The following CIB4 variants were observed in gnomAD, a reference collection of about 807,000 sequenced individuals.
CIB4 encodes calcium and integrin-binding family member 4.
In CIB4, 25 loss-of-function variants were observed where a neutral mutation model predicts 25.8. The ratio of observed to expected loss-of-function variants is 0.97; its 90% CI spans 0.71 to 1.35. The LOEUF is 1.35. Ranked by LOEUF, CIB4 falls within the 40% of genes most tolerant of loss-of-function variation. CIB4 has a pLI of 0.00. For synonymous variants in CIB4, 75 were observed against 81.4 expected, an observed-to-expected ratio of 0.92 and a Z score of 0.42; for missense variants, 235 against 228.2, an observed-to-expected ratio of 1.03 and a Z score of -0.19.
intron 3 of CIB4, among the ~76,000 whole-genome samples, chr2:26,611,704 A>G (rs1668998607): frequency 6.6e-6 from 1 of 152,226 alleles, no homozygotes; most frequent in Non-Finnish European, 1.5e-5. Flanking sequence ...TATTTATAGT[A>G]ACAAATAAAT....
At chr2:26,602,436 A>AAT (rs1478513367) in intron 3 of CIB4, among the ~76,000 whole-genome samples, 1 of 152,232 alleles carries the variant, frequency 6.6e-6, no homozygotes, top group East Asian at 1.9e-4. Flanking sequence ...ACAAAGAGTG[A>AAT]ACAAATACAT....
At chr2:26,613,126 T>A (rs1669027748) in intron 3 of CIB4, among the ~76,000 whole-genome samples, 1 of 151,892 alleles carries the variant, frequency 6.6e-6, no homozygotes, top group Admixed American at 6.6e-5. Flanking sequence ...TCTAGGAGAG[T>A]GGGTTTTTCC....
chr2:26,629,580 A>T (rs1669377861), intron 2 of CIB4, 74 bp from the exon 3 acceptor site: 2 of 998,218 alleles, frequency 2.0e-6, no homozygotes, highest in Non-Finnish European at 3.1e-6. Context: ...AAAGGAGGCC[A>T]GCAAGCCTGT....
intron 3 of CIB4, among the ~76,000 whole-genome samples, chr2:26,609,678 C>T (rs777716708): frequency 6.6e-6 from 1 of 152,118 alleles, no homozygotes; most frequent in Non-Finnish European, 1.5e-5. Flanking sequence ...ATTTCAACTC[C>T]ATTTTTCAGG....
chr2:26,586,282 C>G (rs1668451295), intron 4 of CIB4, among the ~76,000 whole-genome samples: 1 of 152,190 alleles, frequency 6.6e-6, no homozygotes, highest in Admixed American at 6.5e-5. Context: ...CTTGCTCAGT[C>G]AAGCCAGACA....
At chr2:26,613,058 G>C (rs1669026390) in intron 3 of CIB4, among the ~76,000 whole-genome samples, 1 of 152,188 alleles carries the variant, frequency 6.6e-6, no homozygotes, top group South Asian at 2.1e-4. Flanking sequence ...AGGCCTAGGG[G>C]ACTTTCAGCA....
intron 2 of CIB4, among the ~76,000 whole-genome samples, chr2:26,633,783 G>C (rs1669479479): frequency 6.6e-6 from 1 of 152,238 alleles, no homozygotes; most frequent in Non-Finnish European, 1.5e-5. Context: ...ACACAGCCCA[G>C]AGAGGCAGGA....
intron 2 of CIB4, among the ~76,000 whole-genome samples, chr2:26,640,323 C>G (rs557871333): frequency 6.6e-6 from 1 of 152,378 alleles, no homozygotes; most frequent in South Asian, 2.1e-4. Context: ...AGCCTAAAGC[C>G]TGGTGTCTCA....
At chr2:26,612,834 G>A (rs150002305) in intron 3 of CIB4, among the ~76,000 whole-genome samples, 1 of 152,176 alleles carries the variant, frequency 6.6e-6, no homozygotes, top group Non-Finnish European at 1.5e-5. Flanking sequence ...CAAGGGGGAG[G>A]TTCTGCATCA....
intron 3 of CIB4, among the ~76,000 whole-genome samples, chr2:26,596,061 T>G (rs1268376118): frequency 6.6e-6 from 1 of 152,190 alleles, no homozygotes; most frequent in Non-Finnish European, 1.5e-5. Context: ...TATACAGAAA[T>G]AAGTATTTGA....
At chr2:26,585,248 C>T (rs781482673) in intron 4 of CIB4, among the ~76,000 whole-genome samples, 15 of 152,112 alleles carry the variant, frequency 9.9e-5, no homozygotes, top group South Asian at 2.1e-4. Context: ...GAGCCAGGGA[C>T]GGCGGCAGAG....
At position 26,629,569 on chromosome 2, in the gene CIB4, G is replaced by A. The variant is rs1002744481; in HGVS notation, c.90-63C>T. ...AGGAGGCCAGCACTGTGTGGCCGGG[G>A]AAAGGAGGCCAGCAAGCCTGTCTCC... On this transcript the variant is annotated intron_variant, in intron 2 of 6. Coordinates refer to ENST00000288861, the MANE Select transcript of CIB4 (RefSeq NM_001029881.3). The A allele has an allele frequency of 1.3e-5, 15 of 1,144,666 alleles. No homozygotes were observed. The African/African-American group carries it at 1.7e-4, about 13-fold the overall frequency. 70.9% of individuals were successfully genotyped at this position (1,144,666 alleles called of 1,614,324 possible). A position where few individuals can be genotyped will look rare whatever the true frequency, so the allele number is the denominator to read the frequency against.
At chr2:26,640,781 G>A (rs569484245) in intron 1 of CIB4, among the ~76,000 whole-genome samples, 83 of 152,326 alleles carry the variant, frequency 5.4e-4, no homozygotes, top group African/African-American at 1.9e-3. Flanking sequence ...TGGGAAGGAG[G>A]GCATTGGCAC....
intron 3 of CIB4, among the ~76,000 whole-genome samples, chr2:26,621,265 A>C (rs1321719449): frequency 5.3e-5 from 8 of 151,840 alleles, no homozygotes; most frequent in African/African-American, 1.4e-4. Context: ...AAAAAAAAAA[A>C]AAAAAACAGG....
chr2:26,603,838 T>TA (rs1354713726), intron 3 of CIB4, among the ~76,000 whole-genome samples: 1 of 148,598 alleles, frequency 6.7e-6, no homozygotes, highest in Non-Finnish European at 1.5e-5. Context: ...ATCTCTATTT[T>TA]AAAAAAATAC....
At position 26,630,202 on chromosome 2, in the gene CIB4, C is replaced by T. The variant is rs560849624; in HGVS notation, c.90-696G>A. 3.3e-5 allele frequency among the ~76,000 whole-genome samples: 5 copies of T among 152,246 alleles called. No individual in the cohort carries two copies. The South Asian group carries it at 1.0e-3, about 32-fold the overall frequency. On this transcript the variant is annotated intron_variant, in intron 2 of 6. Coordinates refer to ENST00000288861, the MANE Select transcript of CIB4 (RefSeq NM_001029881.3). ...CGTGTGACCCCTGAGAGTAAGAGGG[C>T]GGGAGGGAGCTCTGCCTCAGGCTAA...
chr2:26,605,586 C>T (rs927599002), intron 3 of CIB4: 2 of 470,588 alleles, frequency 4.2e-6, no homozygotes, highest in African/African-American at 4.0e-5. Flanking sequence ...AGTTCTGGGT[C>T]TGAACCAGGA....
chr2:26,596,978 C>CA (rs1274244199), intron 3 of CIB4, among the ~76,000 whole-genome samples: 2 of 152,142 alleles, frequency 1.3e-5, no homozygotes, highest in Admixed American at 6.5e-5. Context: ...TGCTACCTAG[C>CA]AAATATCCAC....
intron 3 of CIB4, among the ~76,000 whole-genome samples, chr2:26,609,246 C>T (rs1668951040): frequency 6.6e-6 from 1 of 152,088 alleles, no homozygotes; most frequent in African/African-American, 2.4e-5. Flanking sequence ...AGCTGGTGCC[C>T]AGTACAGAGA....
Sources: gnomAD v4.1 joint callset for allele counts (sites outside exome capture counted in the v4.1 genomes callset) on GRCh38, gnomAD v4.1.1 for gene constraint, MANE v1.5 for transcripts, NCBI Gene and HGNC (gene_info 2026-07-23, HGNC 2026-07-21) for gene names.